Variants in NUGGC observed in about 807,000 individuals in gnomAD.
The protein encoded by NUGGC is nuclear GTPase SLIP-GC.
In NUGGC, 58 loss-of-function variants were observed where a neutral mutation model predicts 92.6. That is an observed-to-expected ratio of 0.63 (90% CI 0.51 to 0.78). NUGGC has a LOEUF of 0.78. NUGGC is among the 30% of genes least tolerant of loss of function. The pLI, the probability that NUGGC is intolerant of heterozygous loss-of-function variation, is 0.00. For missense variants in NUGGC, 925 were observed against 964.6 expected (o/e 0.96, Z 0.54); for synonymous variants, 376 against 366.4 (o/e 1.03, Z -0.30).
intron 13 of NUGGC, among the ~76,000 whole-genome samples, chr8:28,040,432 T>A (rs926157090): frequency 1.7e-4 from 26 of 152,226 alleles, no homozygotes; most frequent in Admixed American, 1.2e-3. Flanking sequence ...AATAAATTTT[T>A]AAAAAATGGG....
intron 7 of NUGGC, among the ~76,000 whole-genome samples, chr8:28,061,890 GC>G (rs1307177414): frequency 2.0e-5 from 3 of 152,160 alleles, no homozygotes; most frequent in Admixed American, 1.3e-4. Context: ...TTATCTGACA[GC>G]CCAAAATGTC....
intron 12 of NUGGC, among the ~76,000 whole-genome samples, chr8:28,044,108 C>G (rs1040236382): frequency 2.0e-5 from 3 of 152,150 alleles, no homozygotes; most frequent in African/African-American, 7.2e-5. Context: ...ACATGGAAGT[C>G]AGGTCTCGAG....
rs1350101814 is a variant in NUGGC at position 28,083,775 on chromosome 8, C to T, written c.-47G>A. The T allele has an allele frequency of 6.6e-6, 1 of 150,778 alleles. No homozygotes were observed. The highest frequency in any genetic ancestry group is 1.5e-5 in the Non-Finnish European group (1 of 67,752). The allele number at this position is 150,778 out of a possible 1,614,324, so 9.3% of individuals were successfully genotyped here. ...AAATTACATAAAAGAAACAACTTAC[C>T]AGATGTCACTGAACAGAAAAAAAAA... On this transcript the variant is annotated splice_region_variant and 5_prime_UTR_variant, in exon 1 of 19. Transcript: ENST00000413272.
At chr8:28,074,519 C>G (rs1810672374) in intron 1 of NUGGC, 63 bp from the exon 2 acceptor site, 1 of 1,058,392 alleles carries the variant, frequency 9.4e-7, no homozygotes, top group Non-Finnish European at 1.4e-6. Flanking sequence ...AAAGCAAACC[C>G]TAAGGATGTG....
At chr8:28,036,440 C>T (rs1809556348) in intron 13 of NUGGC, among the ~76,000 whole-genome samples, 1 of 152,090 alleles carries the variant, frequency 6.6e-6, no homozygotes, top group African/African-American at 2.4e-5. Context: ...CAATTCCATG[C>T]AAGTGACAGC....
intron 1 of NUGGC, among the ~76,000 whole-genome samples, chr8:28,077,841 C>T (rs972378496): frequency 2.0e-5 from 3 of 152,114 alleles, no homozygotes; most frequent in African/African-American, 7.2e-5. Context: ...TGATAAGAGT[C>T]GTGGTCATAC....
intron 10 of NUGGC, among the ~76,000 whole-genome samples, chr8:28,052,154 T>A (rs1283603618): frequency 1.3e-5 from 2 of 152,200 alleles, no homozygotes; most frequent in African/African-American, 2.4e-5. Context: ...TACATTGTGA[T>A]CCCCAATCTT....
chr8:28,052,693 T>G (rs1810037087), intron 10 of NUGGC, among the ~76,000 whole-genome samples: 1 of 152,208 alleles, frequency 6.6e-6, no homozygotes, highest in Non-Finnish European at 1.5e-5. Flanking sequence ...TTTTCTGTCG[T>G]TCCAAGCTAC....
At chr8:28,026,556 G>A (rs17485559) in intron 18 of NUGGC, among the ~76,000 whole-genome samples, 56,759 of 152,096 alleles carry the variant, frequency 0.37, 12,924 homozygotes, top group Non-Finnish European at 0.5. Context: ...GAGCAGGGCA[G>A]AGCTGTGGAT....
intron 8 of NUGGC, among the ~76,000 whole-genome samples, chr8:28,058,480 G>A (rs551672288): frequency 3.3e-5 from 5 of 152,004 alleles, no homozygotes; most frequent in South Asian, 4.1e-4. Flanking sequence ...GCCAGCCAGC[G>A]TTTTGTCAGC....
intron 11 of NUGGC, among the ~76,000 whole-genome samples, chr8:28,046,476 T>C (rs751322770): frequency 5.0e-4 from 76 of 152,120 alleles, no homozygotes; most frequent in South Asian, 6.2e-4. Context: ...ATTGCACTCA[T>C]GGTCAGCAAC....
chr8:28,058,681 TAATA>T (rs1810213296), intron 8 of NUGGC, among the ~76,000 whole-genome samples: 1 of 152,090 alleles, frequency 6.6e-6, no homozygotes, highest in African/African-American at 2.4e-5. Context: ...TGCTTATCAT[TAATA>T]AATTAGATTT....
At chr8:28,036,743 T>C (rs1167864390) in intron 13 of NUGGC, among the ~76,000 whole-genome samples, 2 of 152,194 alleles carry the variant, frequency 1.3e-5, no homozygotes, top group Non-Finnish European at 2.9e-5. Flanking sequence ...TCAGATTTGC[T>C]CTTCTAGCCA....
rs956112500 is a variant in NUGGC at position 28,069,251 on chromosome 8, C to T, written c.257+293G>A. ...CTGACTACTGGTGTGAGTTTGTTCA[C>T]ATCTGGGCCTCTCTGAGCCTCAATT... is the stretch of plus-strand genomic sequence containing the variant. On this transcript the variant is annotated intron_variant, in intron 4 of 18. Transcript: ENST00000413272. 4.6e-5 allele frequency among the ~76,000 whole-genome samples: 7 copies of T among 152,280 alleles called. No homozygotes were observed. In the East Asian group the frequency reaches 9.6e-4, roughly 21 times the overall value.
chr8:28,027,116 A>C, intron 17 of NUGGC, 64 bp from the exon 18 acceptor site: 2 of 1,298,028 alleles, frequency 1.5e-6, no homozygotes, highest in Non-Finnish European at 2.2e-6. Flanking sequence ...GATCTTATAA[A>C]AGGGACCCCA....
chr8:28,064,860 C>G (rs963765549), intron 6 of NUGGC, 129 bp from the exon 7 acceptor site: 3 of 722,122 alleles, frequency 4.2e-6, no homozygotes, highest in African/African-American at 3.5e-5. Context: ...AGGAGGCCTG[C>G]AATCAGGTCT....
intron 17 of NUGGC, among the ~76,000 whole-genome samples, chr8:28,028,887 G>C (rs1327846537): frequency 6.6e-6 from 1 of 152,128 alleles, no homozygotes; most frequent in Non-Finnish European, 1.5e-5. Flanking sequence ...CTGGAGACAG[G>C]CTTCCCAATC....
intron 1 of NUGGC, among the ~76,000 whole-genome samples, chr8:28,081,234 A>G (rs1193864415): frequency 6.6e-6 from 1 of 152,122 alleles, no homozygotes; most frequent in African/African-American, 2.4e-5. Context: ...CAGGAGAGTC[A>G]CTTGAAGCCA....
intron 18 of NUGGC, among the ~76,000 whole-genome samples, chr8:28,025,486 G>A (rs982208319): frequency 5.6e-4 from 85 of 152,334 alleles, no homozygotes; most frequent in African/African-American, 1.9e-3. Flanking sequence ...ACTGAAGCTG[G>A]TCAAGATCTC....
Sources: gnomAD v4.1 joint callset for allele counts (sites outside exome capture counted in the v4.1 genomes callset) on GRCh38, gnomAD v4.1.1 for gene constraint, MANE v1.5 for transcripts, NCBI Gene and HGNC (gene_info 2026-07-23, HGNC 2026-07-21) for gene names.